KATNIP: variants seen among roughly 807,000 people sequenced by gnomAD.
KATNIP encodes the protein katanin interacting protein.
A neutral mutation model predicts 174.0 loss-of-function variants in KATNIP; 126 were observed. The ratio of observed to expected loss-of-function variants is 0.72; its 90% CI spans 0.63 to 0.84. The LOEUF (loss-of-function observed/expected upper bound fraction) is 0.84. Ranked by LOEUF, KATNIP falls within the 40% of genes least tolerant of loss-of-function variation. The probability of loss-of-function intolerance (pLI) is 0.00; values close to 1 mark genes in which losing one functional copy is unlikely to be tolerated. For synonymous variants in KATNIP, 810 were observed against 835.7 expected, an observed-to-expected ratio of 0.97 and a Z score of 0.53; for missense variants, 1,958 against 2,109.7, an observed-to-expected ratio of 0.93 and a Z score of 1.41.
chr16:27,615,964 T>C (rs969586576), intron 2 of KATNIP, among the ~76,000 whole-genome samples: 72 of 152,330 alleles, frequency 4.7e-4, no homozygotes, highest in African/African-American at 1.7e-3. Flanking sequence ...GCATTTCTGA[T>C]ACAAATGCCC....
intron 2 of KATNIP, among the ~76,000 whole-genome samples, chr16:27,615,345 TTTTA>T (rs1319439236): frequency 2.7e-5 from 4 of 150,312 alleles, no homozygotes; most frequent in Non-Finnish European, 4.4e-5. Context: ...ATTATTATTA[TTTTA>T]TTTATTTATT....
At chr16:27,619,361 T>A (rs2076132069) in intron 3 of KATNIP, among the ~76,000 whole-genome samples, 1 of 152,122 alleles carries the variant, frequency 6.6e-6, no homozygotes, top group Non-Finnish European at 1.5e-5. Flanking sequence ...ATGTTGGTAA[T>A]GAATTCAAGT....
rs557097736 is a variant in KATNIP, at chr16:27,698,149, C to T, written c.941-179C>T. On this transcript the variant is annotated intron_variant, in intron 8 of 27. Coordinates refer to ENST00000261588, the MANE Select transcript of KATNIP (RefSeq NM_015202.5). ...CCCCAGGGCCACCACTGCATTCAGC[C>T]GTGTCTGCCTAGTCTCCTGTAATCT... is the stretch of plus-strand genomic sequence containing the variant. Among the ~76,000 whole-genome samples the T allele has an allele frequency of 5.6e-4, 85 of 152,304 alleles. 3 individuals carry two copies. The highest frequency in any genetic ancestry group is 1.2e-3 in the Admixed American group (19 of 15,292).
At chr16:27,760,437 C>T (rs1038223442) in intron 18 of KATNIP, among the ~76,000 whole-genome samples, 1 of 152,116 alleles carries the variant, frequency 6.6e-6, no homozygotes, top group African/African-American at 2.4e-5. Flanking sequence ...CTGTTTTGCC[C>T]CAGGGCCACA....
chr16:27,602,843 C>G (rs760655342), intron 2 of KATNIP, among the ~76,000 whole-genome samples: 1 of 152,132 alleles, frequency 6.6e-6, no homozygotes, highest in African/African-American at 2.4e-5. Flanking sequence ...TGATTACAGG[C>G]GCCCACCACC....
chr16:27,711,395 A>G (rs948664223), intron 13 of KATNIP, among the ~76,000 whole-genome samples: 3 of 152,128 alleles, frequency 2.0e-5, no homozygotes, highest in Non-Finnish European at 4.4e-5. Context: ...CTGGGTCATG[A>G]CTCAAGGTTG....
At chr16:27,737,787 G>A (rs558745975) in intron 14 of KATNIP, among the ~76,000 whole-genome samples, 4 of 152,178 alleles carry the variant, frequency 2.6e-5, no homozygotes, top group Non-Finnish European at 4.4e-5. Flanking sequence ...TTCCTATTGC[G>A]TATGGCAGTC....
At chr16:27,632,034 C>A (rs951719317) in intron 5 of KATNIP, among the ~76,000 whole-genome samples, 4 of 152,296 alleles carry the variant, frequency 2.6e-5, no homozygotes, top group African/African-American at 9.6e-5. Context: ...CAGAAAAGTT[C>A]AGTGAGTTTT....
chr16:27,752,478 G>A (rs1384192351), intron 17 of KATNIP, among the ~76,000 whole-genome samples: 1 of 152,256 alleles, frequency 6.6e-6, no homozygotes, highest in African/African-American at 2.4e-5. Flanking sequence ...AGGGCACATT[G>A]TGACAGAGAA....
intron 21 of KATNIP, among the ~76,000 whole-genome samples, chr16:27,770,495 C>A (rs1209297190): frequency 6.6e-6 from 1 of 152,208 alleles, no homozygotes; most frequent in African/African-American, 2.4e-5. Flanking sequence ...TCATTGAAAC[C>A]CCCTGATGTC....
chr16:27,711,265 C>T (rs1019188300), intron 13 of KATNIP, among the ~76,000 whole-genome samples: 2 of 152,134 alleles, frequency 1.3e-5, no homozygotes, highest in Admixed American at 1.3e-4. Flanking sequence ...TGGAAAGATT[C>T]TTTTCTCAGA....
chr16:27,662,636 C>T (rs943920123), intron 6 of KATNIP, among the ~76,000 whole-genome samples: 1 of 152,168 alleles, frequency 6.6e-6, no homozygotes, highest in East Asian at 1.9e-4. Flanking sequence ...TCCCATCCCT[C>T]AGTAGGGTGT....
At chr16:27,773,829 C>T (rs560909553) in intron 23 of KATNIP, among the ~76,000 whole-genome samples, 4 of 152,144 alleles carry the variant, frequency 2.6e-5, no homozygotes, top group Admixed American at 2.0e-4. Context: ...CTTAGCCCCC[C>T]ACTCCTCCCA....
chr16:27,652,622 G>A (rs1054747826), intron 6 of KATNIP, among the ~76,000 whole-genome samples: 3 of 152,030 alleles, frequency 2.0e-5, no homozygotes, highest in Admixed American at 1.3e-4. Flanking sequence ...AGACCAGCCT[G>A]ACCAACATGG....
Position 27,740,736 on chromosome 16 carries a change from G to A in KATNIP, c.2439G>A (p.Gly813=). ...ATAAAGGCCTACGGCATGAGCCAGG[G>A]TGGGGGACCAGCCGGAGTGTCAACA... ...ARDKGLRHEP[G]WGTSRSVNTK... The change falls in exon 15 of 28, where the codon GGG becomes GGA. Residue 813 remains glycine, a synonymous_variant. Coordinates refer to ENST00000261588, the MANE Select transcript of KATNIP (RefSeq NM_015202.5). 6.2e-7 allele frequency: 1 copy of A among 1,614,210 alleles called. No homozygotes were observed. Among genetic ancestry groups the A allele is most frequent in the Non-Finnish European group, 8.5e-7 (1 of 1,180,044 alleles).
intron 13 of KATNIP, among the ~76,000 whole-genome samples, chr16:27,710,498 CTA>C (rs1464274913): frequency 5.9e-5 from 9 of 152,166 alleles, no homozygotes; most frequent in African/African-American, 2.2e-4. Context: ...GTCATCTTTG[CTA>C]TGTTGGGCCT....
chr16:27,624,316 A>G (rs553277999), intron 3 of KATNIP, among the ~76,000 whole-genome samples: 1 of 152,204 alleles, frequency 6.6e-6, no homozygotes, highest in East Asian at 1.9e-4. Context: ...CAGCCATGTC[A>G]GGTCCCTAGA....
intron 14 of KATNIP, among the ~76,000 whole-genome samples, chr16:27,738,706 T>G (rs1266534692): frequency 6.6e-6 from 1 of 152,188 alleles, no homozygotes; most frequent in Non-Finnish European, 1.5e-5. Flanking sequence ...TCCGGAGAAC[T>G]TGTTCTGAGT....
chr16:27,632,743 T>C, intron 5 of KATNIP: 1 of 391,248 alleles, frequency 2.6e-6, no homozygotes, highest in South Asian at 1.8e-5. Flanking sequence ...AGGGCTGATT[T>C]CTTTCTTTTT....
Sources: gnomAD v4.1 joint callset for allele counts (sites outside exome capture counted in the v4.1 genomes callset) on GRCh38, gnomAD v4.1.1 for gene constraint, MANE v1.5 for transcripts, NCBI Gene and HGNC (gene_info 2026-07-23, HGNC 2026-07-21) for gene names.